Variants in ACBD6 observed in about 807,000 individuals in gnomAD.
The protein encoded by ACBD6 is acyl-CoA binding domain containing 6, also known as acyl-CoA-binding domain-containing protein 6.
In ACBD6, 28 loss-of-function variants were observed where a neutral mutation model predicts 37.2. That is an observed-to-expected ratio of 0.75 (90% CI 0.56 to 1.03). The LOEUF is 1.03. ACBD6 is among the 50% of genes least tolerant of loss of function. The pLI, the probability that ACBD6 is intolerant of heterozygous loss-of-function variation, is 0.00. For synonymous variants in ACBD6, 113 were observed against 126.8 expected, an observed-to-expected ratio of 0.89 and a Z score of 0.73; for missense variants, 340 against 337.4, an observed-to-expected ratio of 1.01 and a Z score of -0.06.
chr1:180,440,860 T>G (rs1009517307), intron 3 of ACBD6, among the ~76,000 whole-genome samples: 1 of 152,254 alleles, frequency 6.6e-6, no homozygotes, highest in Admixed American at 6.5e-5. Flanking sequence ...GGCTCATCTA[T>G]ATTATAGCAT....
chr1:180,330,857 C>G (rs1362397750), intron 6 of ACBD6, among the ~76,000 whole-genome samples: 1 of 152,216 alleles, frequency 6.6e-6, no homozygotes, highest in East Asian at 1.9e-4. Flanking sequence ...TATATGTGCT[C>G]TATCCACACG....
At chr1:180,475,557 T>C (rs1650747018) in intron 3 of ACBD6, among the ~76,000 whole-genome samples, 1 of 152,102 alleles carries the variant, frequency 6.6e-6, no homozygotes, top group Admixed American at 6.6e-5. Context: ...CAGCTAATTT[T>C]TTATTTTTGT....
At chr1:180,483,877 T>C (rs1316203554) in intron 3 of ACBD6, among the ~76,000 whole-genome samples, 1 of 152,174 alleles carries the variant, frequency 6.6e-6, no homozygotes, top group South Asian at 2.1e-4. Flanking sequence ...ATAGTACCCA[T>C]GCATCTTGAA....
At chr1:180,274,462 G>A (rs765708017) in intron 10 of ACBD6, 3 of 1,614,204 alleles carry the variant, frequency 1.9e-6, no homozygotes. Flanking sequence ...GCCAGACGCT[G>A]AGAGCCATGG....
chr1:180,479,245 T>G (rs1233503979), intron 3 of ACBD6, among the ~76,000 whole-genome samples: 3 of 152,172 alleles, frequency 2.0e-5, no homozygotes, highest in Non-Finnish European at 4.4e-5. Context: ...AAAGTCAACC[T>G]AAATGTCTAT....
chr1:180,273,524 G>T (rs7543669), intron 11 of ACBD6: 41,302 of 152,504 alleles, frequency 0.27, 7,040 homozygotes, highest in African/African-American at 0.48. Context: ...GTTGGAGAGA[G>T]AAATTCTTTC....
intron 4 of ACBD6, among the ~76,000 whole-genome samples, chr1:180,418,519 C>T (rs752447376): frequency 4.6e-5 from 7 of 151,582 alleles, no homozygotes; most frequent in African/African-American, 4.9e-5. Flanking sequence ...TTTGAGGTTA[C>T]AGTGAGCTAT....
intron 4 of ACBD6, 44 bp downstream of exon 4, chr1:180,430,136 C>T (rs751152430): frequency 2.6e-6 from 4 of 1,513,248 alleles, no homozygotes; most frequent in Non-Finnish European, 3.7e-6. Flanking sequence ...TGCACACACA[C>T]AGGCATATAT....
In ACBD6 at chr1:180,288,384, C is replaced by A. The variant is rs1343739087; in HGVS notation, c.828G>T (p.Arg276=). 6.2e-7 allele frequency: 1 copy of A among 1,613,734 alleles called. No individual in the cohort carries two copies. The highest frequency in any genetic ancestry group is 8.5e-7 in the Non-Finnish European group (1 of 1,179,974). ...GCKTVSLVLQ[R]HTTGKA is the part of the protein sequence containing the mutation. ...TTGATTAAGCCTTGCCAGTTGTGTG[C>A]CGCTGCAGCACCAAAGAAACTGTTT... The change falls in exon 8 of 8, where the codon CGG becomes CGT. Residue 276 remains arginine (R), a synonymous_variant. Coordinates refer to ENST00000367595, the MANE Select transcript of ACBD6 (RefSeq NM_032360.4).
chr1:180,391,220 T>C (rs934021260), intron 6 of ACBD6, among the ~76,000 whole-genome samples: 2 of 152,072 alleles, frequency 1.3e-5, no homozygotes, highest in Non-Finnish European at 2.9e-5. Flanking sequence ...CACTATAAAA[T>C]TCTTAGAAGA....
chr1:180,322,774 A>T (rs1651122844), intron 6 of ACBD6, among the ~76,000 whole-genome samples: 1 of 150,292 alleles, frequency 6.7e-6, no homozygotes, highest in Non-Finnish European at 1.5e-5. Flanking sequence ...AAAGTTGGTC[A>T]ATTTTATTTG....
At chr1:180,356,543 C>T (rs1652635820) in intron 6 of ACBD6, among the ~76,000 whole-genome samples, 2 of 151,468 alleles carry the variant, frequency 1.3e-5, no homozygotes, top group South Asian at 2.1e-4. Flanking sequence ...GATAATATAT[C>T]GTATAATGAA....
chr1:180,500,460 A>G (rs1483299949), intron 1 of ACBD6, among the ~76,000 whole-genome samples: 1 of 151,522 alleles, frequency 6.6e-6, no homozygotes, highest in African/African-American at 2.4e-5. Flanking sequence ...TGGGAGGCCA[A>G]GGCAGGCAGA....
intron 3 of ACBD6, among the ~76,000 whole-genome samples, chr1:180,450,676 C>T (rs948158249): frequency 6.6e-6 from 1 of 152,210 alleles, no homozygotes. Context: ...AGAAGAATGG[C>T]GTGAAACCAG....
intron 4 of ACBD6, among the ~76,000 whole-genome samples, chr1:180,415,492 T>C (rs1464826913): frequency 6.6e-6 from 1 of 152,076 alleles, no homozygotes. Flanking sequence ...ACCTACTTTC[T>C]TCCAATCCAG....
intron 6 of ACBD6, among the ~76,000 whole-genome samples, chr1:180,319,593 T>C (rs1303900907): frequency 6.6e-6 from 1 of 152,170 alleles, no homozygotes; most frequent in Admixed American, 6.5e-5. Flanking sequence ...AAATATTAGG[T>C]CTTAGTCATT....
intron 3 of ACBD6, among the ~76,000 whole-genome samples, chr1:180,438,031 G>A (rs1486777112): frequency 1.3e-5 from 2 of 152,106 alleles, no homozygotes; most frequent in Non-Finnish European, 2.9e-5. Flanking sequence ...GATGAGTGGC[G>A]GTTGAGCAAG....
At chr1:180,471,508 A>C (rs1340475715) in intron 3 of ACBD6, among the ~76,000 whole-genome samples, 1 of 151,736 alleles carries the variant, frequency 6.6e-6, no homozygotes, top group East Asian at 1.9e-4. Context: ...AAGAGGTTTA[A>C]TTGGACTTAC....
At chr1:180,346,158 T>G (rs760841680) in intron 6 of ACBD6, among the ~76,000 whole-genome samples, 2 of 152,014 alleles carry the variant, frequency 1.3e-5, no homozygotes, top group African/African-American at 4.8e-5. Context: ...TTAACAGACA[T>G]AGAGAAAAGA....
Sources: allele counts gnomAD v4.1 joint callset (sites outside exome capture counted in the v4.1 genomes callset), GRCh38; gene constraint gnomAD v4.1.1; transcripts MANE v1.5; gene names NCBI Gene and HGNC (gene_info 2026-07-23, HGNC 2026-07-21).